MYOM3: variants seen among roughly 807,000 people sequenced by gnomAD.
The protein encoded by MYOM3 is myomesin-3.
A neutral mutation model predicts 191.7 loss-of-function variants in MYOM3; 155 were observed. The ratio of observed to expected loss-of-function variants is 0.81; its 90% CI spans 0.71 to 0.92. MYOM3 has a LOEUF of 0.92. Ranked by LOEUF, MYOM3 falls within the 40% of genes least tolerant of loss-of-function variation. The pLI, the probability that MYOM3 is intolerant of heterozygous loss-of-function variation, is 0.00. For synonymous variants in MYOM3, 757 were observed against 762.9 expected, an observed-to-expected ratio of 0.99 and a Z score of 0.13; for missense variants, 1,889 against 1,890.6, an observed-to-expected ratio of 1.00 and a Z score of 0.02.
chr1:24,107,749 T>A (rs1326318208), intron 3 of MYOM3, among the ~76,000 whole-genome samples: 1 of 152,196 alleles, frequency 6.6e-6, no homozygotes, highest in Non-Finnish European at 1.5e-5. Flanking sequence ...GTTGGTGAAG[T>A]AGGCCCCTAC....
At chr1:24,102,486 C>T (rs995148434) in intron 5 of MYOM3, among the ~76,000 whole-genome samples, 1 of 152,088 alleles carries the variant, frequency 6.6e-6, no homozygotes, top group African/African-American at 2.4e-5. Context: ...CCTTAGTGTC[C>T]GCCTGTGCAG....
intron 12 of MYOM3, 64 bp from the exon 13 acceptor site, chr1:24,090,182 C>A (rs1439616346): frequency 7.4e-7 from 1 of 1,343,232 alleles, no homozygotes; most frequent in Non-Finnish European, 1.1e-6. Flanking sequence ...CCAGGAGCTA[C>A]CCCACACCAG....
In MYOM3 at chr1:24,061,932, G is replaced by T. The variant is rs376775967; in HGVS notation, c.3934+14C>A. On this transcript the variant is annotated intron_variant, in intron 33 of 36. Transcript: ENST00000374434. ...CTAAGCAGGTTTCCCTGCAGACATA[G>T]GTGGATGGCTCACCTTGCCCTGAGA... The T allele has an allele frequency of 8.7e-6, 14 of 1,613,944 alleles. No homozygotes were observed. The highest frequency in any genetic ancestry group is 1.3e-5 in the African/African-American group (1 of 74,930).
In MYOM3 at chr1:24,069,876, G is replaced by A. The variant is rs370079358; in HGVS notation, c.3150+1241C>T. On this transcript the variant is annotated intron_variant, in intron 25 of 36. Coordinates refer to ENST00000374434, the MANE Select transcript of MYOM3 (RefSeq NM_152372.4). ...TTCGCCTGCCTCGGCCTCCCAATGT[G>A]CTGGGATTTCAGGCATGGGCACCCC... is the stretch of plus-strand genomic sequence containing the variant. 6.6e-5 allele frequency among the ~76,000 whole-genome samples: 10 copies of A among 151,736 alleles called. No individual in the cohort carries two copies. The East Asian group carries it at 1.9e-3, about 29-fold the overall frequency.
At position 24,068,345 on chromosome 1, in the gene MYOM3, C is replaced by T. The variant is rs145156576; in HGVS notation, c.3173G>A (p.Arg1058Gln). 1.4e-5 allele frequency: 23 copies of T among 1,614,130 alleles called. No homozygotes were observed. The highest frequency in any genetic ancestry group is 8.9e-5 in the East Asian group (4 of 44,890). Residue 1058 changes from arginine (R) to glutamine (Q), a missense_variant, in exon 26 of 37, where the codon CGA becomes CAA. Transcript: ENST00000374434. Reference sequence around the variant, plus strand: ...GATCACTTCCACCAGGCCCTTCTCTCGGTCAAAATTGATTTTGCGGTTCTG... The same window carrying T: ...GATCACTTCCACCAGGCCCTTCTCTTGGTCAAAATTGATTTTGCGGTTCTG... ...SSPNRKINFD[R>Q]EKGLVEVIIQ...
intron 29 of MYOM3, among the ~76,000 whole-genome samples, chr1:24,065,363 C>T (rs1389269686): frequency 1.3e-5 from 2 of 152,204 alleles, no homozygotes; most frequent in Non-Finnish European, 2.9e-5. Context: ...CTCTCTTAAC[C>T]AGGCCACGGT....
At chr1:24,109,439 A>G (rs1644021114) in intron 1 of MYOM3, among the ~76,000 whole-genome samples, 1 of 152,240 alleles carries the variant, frequency 6.6e-6, no homozygotes, top group Non-Finnish European at 1.5e-5. Context: ...GAAGCCTTGC[A>G]GAAAGACTAC....
intron 35 of MYOM3, 138 bp downstream of exon 35, chr1:24,060,921 CT>C: frequency 1.1e-6 from 1 of 924,502 alleles, no homozygotes; most frequent in Non-Finnish European, 1.7e-6. Flanking sequence ...CAGGTCTTCC[CT>C]GCAGCTCTGT....
chr1:24,069,082 T>TG (rs1643491531), intron 25 of MYOM3, among the ~76,000 whole-genome samples: 1 of 151,972 alleles, frequency 6.6e-6, no homozygotes, highest in African/African-American at 2.4e-5. Context: ...TAAAGGATAA[T>TG]GGAAAAAAAA....
chr1:24,072,170 G>A (rs529660409), intron 23 of MYOM3, among the ~76,000 whole-genome samples, 157 bp from the exon 24 acceptor site: 10 of 152,222 alleles, frequency 6.6e-5, no homozygotes, highest in Non-Finnish European at 1.3e-4. Flanking sequence ...TAGGGGCCAT[G>A]ATGAGTACTG....
Position 24,107,138 on chromosome 1 carries a change from T to C in MYOM3, c.337A>G (p.Ile113Val), listed in dbSNP as rs547997487. Residue 113 changes from isoleucine (I) to valine (V), a missense_variant, in exon 4 of 37, where the codon ATC (isoleucine) becomes GTC (valine). By Grantham distance (29) the Ile-to-Val change is conservative. Transcript: ENST00000374434. ...GFGNDWERTE[I>V]AFLQTHRLLR... ...AGCCGGTGGGTCTGCAGGAAGGCGA[T>C]CTCAGTCCTCTCCCAGTCATTGCCG... 2.0e-5 allele frequency: 33 copies of C among 1,612,564 alleles called. No homozygotes were observed. The East Asian group carries it at 6.5e-4, about 32-fold the overall frequency.
In MYOM3 at chr1:24,098,729, C is replaced by T. The variant is rs1643891828; in HGVS notation, c.657-718G>A. The stretch of plus-strand genomic sequence containing the variant: ...CCCTGGGCCTGCGCACCTTCCTTGA[C>T]TGTGGAGTCCATGGGGCACCTCCCT... On this transcript the variant is annotated intron_variant, in intron 6 of 36. Transcript: ENST00000374434. Among the ~76,000 whole-genome samples, 3 of 152,244 alleles carry T rather than the reference C, an allele frequency of 2.0e-5. No individual in the cohort carries two copies. The South Asian group carries it at 6.2e-4, about 32-fold the overall frequency.
At chr1:24,059,471 T>C (rs11249060) in intron 35 of MYOM3, among the ~76,000 whole-genome samples, 39,169 of 152,214 alleles carry the variant, frequency 0.26, 5,332 homozygotes, top group South Asian at 0.45. Context: ...TACATGCTTC[T>C]TTGTATTCAT....
rs1643316063 is a variant in MYOM3, at chr1:24,057,435, A to C, written c.4243T>G (p.Ser1415Ala). The change falls in exon 37 of 37, where the codon TCC becomes GCC. Residue 1415 changes from serine to alanine, a missense_variant. Physicochemically the swap from Ser to Ala is moderately conservative, Grantham distance 99. Coordinates refer to ENST00000374434, the MANE Select transcript of MYOM3 (RefSeq NM_152372.4). ...CTGATGGTGACCTGGCCCGTCTCGG[A>C]GCCATACTTGTTCTTGACGAAGACG... ...YGVFVKNKYGSETGQVTISVF... is the reference protein window; with the variant it reads ...YGVFVKNKYGAETGQVTISVF... 6.2e-7 allele frequency: 1 copy of C among 1,614,108 alleles called. No homozygotes were observed.
chr1:24,061,815 C>T (rs1643372840), intron 33 of MYOM3, 131 bp downstream of exon 33: 1 of 980,736 alleles, frequency 1.0e-6, no homozygotes, highest in South Asian at 1.5e-5. Context: ...TGGTCTCAAA[C>T]TCCAGAGCTC....
At chr1:24,077,921 G>A (rs1364470996) in intron 20 of MYOM3, among the ~76,000 whole-genome samples, 2 of 152,200 alleles carry the variant, frequency 1.3e-5, no homozygotes, top group African/African-American at 4.8e-5. Context: ...TGTCTTCCCT[G>A]ATTCTGTCTG....
Position 24,067,069 on chromosome 1 carries a change from C to T in MYOM3, c.3375G>A (p.Pro1125=), listed in dbSNP as rs369424736. 8.5e-4 allele frequency: 1,348 copies of T among 1,578,650 alleles called. 1 individual carries two copies. Among genetic ancestry groups the T allele is most frequent in the Non-Finnish European group, 9.9e-4 (1,148 of 1,160,006 alleles). ...AGTCCTCCGTGACCTTCCACTGCAA[C>T]GGCCGCTCAAAATAGGGACCTGTGC... ...KRKQGPYFER[P]LQWKVTEDCQ... The change falls in exon 28 of 37, where the codon CCG becomes CCA. Residue 1125 remains proline (P), a synonymous_variant. Coordinates refer to ENST00000374434, the MANE Select transcript of MYOM3 (RefSeq NM_152372.4).
chr1:24,086,937 T>G (rs6686608), intron 14 of MYOM3, 110 bp from the exon 15 acceptor site: 479,563 of 1,156,044 alleles, frequency 0.41, 102,288 homozygotes, highest in East Asian at 0.48. Context: ...TGATCCTCTA[T>G]ACTCAGCCCA....
intron 5 of MYOM3, among the ~76,000 whole-genome samples, chr1:24,100,750 G>A (rs1389183305): frequency 2.0e-5 from 3 of 152,134 alleles, no homozygotes; most frequent in South Asian, 2.1e-4. Context: ...AGTCGGGCGT[G>A]GTGGCGGGCG....
Sources: gnomAD v4.1 joint callset for allele counts (sites outside exome capture counted in the v4.1 genomes callset) on GRCh38, gnomAD v4.1.1 for gene constraint, MANE v1.5 for transcripts, NCBI Gene and HGNC (gene_info 2026-07-23, HGNC 2026-07-21) for gene names.